The following PDZD2 variants were observed in gnomAD, a reference collection of about 807,000 sequenced individuals.
PDZD2 encodes PDZ domain-containing protein 2.
A neutral mutation model predicts 220.7 loss-of-function variants in PDZD2; 90 were observed. The ratio of observed to expected loss-of-function variants is 0.41; its 90% CI spans 0.34 to 0.49. The LOEUF (loss-of-function observed/expected upper bound fraction) is 0.49, where lower values mean the gene tolerates loss of function less well. Among genes scored for constraint, PDZD2 ranks in the 20% least tolerant of loss-of-function variants. The probability of loss-of-function intolerance (pLI) is 0.28; values close to 1 mark genes in which losing one functional copy is unlikely to be tolerated. For missense variants in PDZD2, 3,174 were observed against 3,608.5 expected, an observed-to-expected ratio of 0.88 and a Z score of 3.08; for synonymous variants, 1,375 against 1,450.5, an observed-to-expected ratio of 0.95 and a Z score of 1.18.
At position 32,033,682 on chromosome 5, in the gene PDZD2, C is replaced by T. The variant is rs576989545; in HGVS notation, c.1408-3549C>T. Among the ~76,000 whole-genome samples, 180 of 151,788 alleles carry T rather than the reference C, an allele frequency of 1.2e-3. 7 individuals are homozygous for T. The South Asian group carries it at 0.035, about 30-fold the overall frequency. On this transcript the variant is annotated intron_variant, in intron 6 of 24. Coordinates refer to ENST00000438447, the MANE Select transcript of PDZD2 (RefSeq NM_178140.4). ...TTGCCCAGGCTGGAATGCAGTGGCG[C>T]GATCTCGGCTCACTGCAACCTCTGC... is the stretch of plus-strand genomic sequence containing the variant.
rs374165628 is a variant in PDZD2 at position 31,902,174 on chromosome 5, G to A, written c.477-80981G>A. 6.6e-5 allele frequency among the ~76,000 whole-genome samples: 10 copies of A among 152,196 alleles called. No homozygotes were observed. In the East Asian group the frequency reaches 1.2e-3, roughly 18 times the overall value. On this transcript the variant is annotated intron_variant, in intron 2 of 24. Transcript: ENST00000438447. ...TGAAGAACTGCTAAACTTTTCCAACGTTACTGCACAATTTTACATTCCTAC... is the reference window on the plus strand; with the variant it reads ...TGAAGAACTGCTAAACTTTTCCAACATTACTGCACAATTTTACATTCCTAC...
At chr5:31,713,390 A>C (rs931716826) in intron 1 of PDZD2, among the ~76,000 whole-genome samples, 7 of 152,178 alleles carry the variant, frequency 4.6e-5, no homozygotes, top group Non-Finnish European at 7.3e-5. Context: ...TGCATTGTTA[A>C]TTATCTTTTC....
At chr5:31,909,957 ACCTTCATC>A (rs958577083) in intron 2 of PDZD2, among the ~76,000 whole-genome samples, 2 of 152,086 alleles carry the variant, frequency 1.3e-5, no homozygotes, top group East Asian at 1.9e-4. Flanking sequence ...GTTCCTCCAT[ACCTTCATC>A]CCTTCATCCT....
intron 2 of PDZD2, among the ~76,000 whole-genome samples, chr5:31,861,390 G>A (rs998198864): frequency 5.3e-5 from 8 of 152,178 alleles, no homozygotes; most frequent in African/African-American, 4.8e-5. Flanking sequence ...GAGGCAGACC[G>A]TGGGCTCACT....
intron 1 of PDZD2, among the ~76,000 whole-genome samples, chr5:31,714,383 G>T (rs1748315136): frequency 6.6e-6 from 1 of 152,176 alleles, no homozygotes; most frequent in Non-Finnish European, 1.5e-5. Flanking sequence ...TTGTTTGAAT[G>T]ATCATGTAGA....
At chr5:31,775,259 C>A (rs1752571766) in intron 1 of PDZD2, among the ~76,000 whole-genome samples, 1 of 151,748 alleles carries the variant, frequency 6.6e-6, no homozygotes, top group Non-Finnish European at 1.5e-5. Context: ...GCCTGTTTCT[C>A]ATGTTCCATA....
intron 14 of PDZD2, among the ~76,000 whole-genome samples, chr5:32,065,218 G>T (rs1179198107): frequency 6.6e-6 from 1 of 152,004 alleles, no homozygotes; most frequent in African/African-American, 2.4e-5. Flanking sequence ...GAAATCACTT[G>T]TACCTGCGAG....
At position 32,110,929 on chromosome 5, in the gene PDZD2, T is replaced by C. The variant is rs544321800; in HGVS notation, c.*2794T>C. 7 of 152,190 alleles carry C rather than the reference T, an allele frequency of 4.6e-5. No homozygotes were observed. In the South Asian group the frequency reaches 1.4e-3, roughly 32 times the overall value. The allele number at this position is 152,190 out of a possible 1,614,324, so 9.4% of individuals were successfully genotyped here. A position where few individuals can be genotyped will look rare whatever the true frequency, so the allele number is the denominator to read the frequency against. ...AAAAAATAAACACTCTGCTTACTAC[T>C]TGATTTTTTTTTTCTCTTTTGGCTG... On this transcript the variant is annotated 3_prime_UTR_variant, in exon 25 of 25. Transcript: ENST00000438447.
rs371240385 is a variant in PDZD2 at position 31,809,425 on chromosome 5, T to G, written c.476+9701T>G. 2.4e-4 allele frequency among the ~76,000 whole-genome samples: 36 copies of G among 152,308 alleles called. No homozygotes were observed. The South Asian group carries it at 7.3e-3, about 31-fold the overall frequency. On this transcript the variant is annotated intron_variant, in intron 2 of 24. Coordinates refer to ENST00000438447, the MANE Select transcript of PDZD2 (RefSeq NM_178140.4). ...ATCCTCTCCTGTCTGTGACTGGTGT[T>G]TTTTCCTGTGGCCCTGGGAGGTGCC...
At chr5:32,092,014 C>T (rs933505860) in intron 20 of PDZD2, among the ~76,000 whole-genome samples, 1 of 152,168 alleles carries the variant, frequency 6.6e-6, no homozygotes, top group African/African-American at 2.4e-5. Context: ...TGGCTCACAC[C>T]TGTAATCCCA....
intron 2 of PDZD2, among the ~76,000 whole-genome samples, chr5:31,908,105 A>AAAAAG (rs1561044428): frequency 3.4e-5 from 5 of 145,980 alleles, no homozygotes; most frequent in African/African-American, 1.3e-4. Flanking sequence ...AAAAAAAAAA[A>AAAAAG]AAAGAAAGAA....
rs1338393023 is a variant in PDZD2 at position 31,983,229 on chromosome 5, A to G, written c.551A>G (p.His184Arg). Residue 184 changes from histidine to arginine, a missense_variant, in exon 3 of 25, where the codon CAC becomes CGC. Transcript: ENST00000438447. Reference sequence around the variant, plus strand: ...CTGCGTCGCTTTAAGCACAAAGCCCACTCCACTTATAATGGCAACAGTAGC... The same window carrying G: ...CTGCGTCGCTTTAAGCACAAAGCCCGCTCCACTTATAATGGCAACAGTAGC... ...IMLRRFKHKA[H>R]STYNGNSSNS... 1.3e-5 allele frequency: 21 copies of G among 1,614,096 alleles called. No individual in the cohort carries two copies. The highest frequency in any genetic ancestry group is 1.7e-5 in the Non-Finnish European group (20 of 1,180,006).
rs59061500 is a variant in PDZD2, at chr5:31,827,715, A to AGTAAAAAG, written c.476+27991_476+27992insGTAAAAAG. On this transcript the variant is annotated intron_variant, in intron 2 of 24. Coordinates refer to ENST00000438447, the MANE Select transcript of PDZD2 (RefSeq NM_178140.4). ...TCAAAAAAAATAAATAAATAAAAAAATAAAAATAATTTTAAAATGGCTTTA... is the reference window on the plus strand; with the variant it reads ...TCAAAAAAAATAAATAAATAAAAAAAGTAAAAAGTAAAAATAATTTTAAAATGGCTTTA... Among the ~76,000 whole-genome samples, 5 of 147,702 alleles carry AGTAAAAAG rather than the reference A, an allele frequency of 3.4e-5. 1 individual carries two copies. Among genetic ancestry groups the AGTAAAAAG allele is most frequent in the South Asian group, 2.1e-4 (1 of 4,724 alleles).
At chr5:31,670,559 G>T (rs1321342019) in intron 1 of PDZD2, among the ~76,000 whole-genome samples, 1 of 152,132 alleles carries the variant, frequency 6.6e-6, no homozygotes, top group Non-Finnish European at 1.5e-5. Context: ...TGGGATTACA[G>T]GCACCCGCCA....
intron 2 of PDZD2, among the ~76,000 whole-genome samples, chr5:31,949,875 C>A (rs964156789): frequency 6.7e-6 from 1 of 149,034 alleles, no homozygotes. Context: ...GTAGAGATGG[C>A]GTTTCACCAT....
rs1439791119 is a variant in PDZD2, at chr5:32,110,318, TACA to T, written c.*2184_*2186del. ...AAGGGTAGACCTCTGGCTTACCACA[TACA>T]CTATGCTAAAGTCATCAGCCACTGC... On this transcript the variant is annotated 3_prime_UTR_variant, in exon 25 of 25. Coordinates refer to ENST00000438447, the MANE Select transcript of PDZD2 (RefSeq NM_178140.4). 1.3e-5 allele frequency: 2 copies of T among 152,636 alleles called. No individual in the cohort carries two copies. Among genetic ancestry groups the T allele is most frequent in the Non-Finnish European group, 2.9e-5 (2 of 68,048 alleles). 9.5% of individuals were successfully genotyped at this position (152,636 alleles called of 1,614,324 possible). A position where few individuals can be genotyped will look rare whatever the true frequency, so the allele number is the denominator to read the frequency against.
intron 1 of PDZD2, among the ~76,000 whole-genome samples, chr5:31,716,843 T>G (rs1270352715): frequency 3.9e-5 from 6 of 152,104 alleles, no homozygotes; most frequent in Non-Finnish European, 8.8e-5. Flanking sequence ...TTGAATAATT[T>G]TAGTGGCCTT....
At chr5:31,672,551 T>C (rs182534253) in intron 1 of PDZD2, among the ~76,000 whole-genome samples, 12 of 152,348 alleles carry the variant, frequency 7.9e-5, no homozygotes, top group African/African-American at 2.6e-4. Flanking sequence ...AAGCTAGCCT[T>C]CCTTTCAAAA....
intron 1 of PDZD2, among the ~76,000 whole-genome samples, chr5:31,674,584 G>A (rs1190451520): frequency 6.6e-6 from 1 of 152,202 alleles, no homozygotes; most frequent in Non-Finnish European, 1.5e-5. Context: ...AGAGCAGTCT[G>A]GTCTTGGGTG....
Sources: gnomAD v4.1 joint callset for allele counts (sites outside exome capture counted in the v4.1 genomes callset) on GRCh38, gnomAD v4.1.1 for gene constraint, MANE v1.5 for transcripts, NCBI Gene and HGNC (gene_info 2026-07-23, HGNC 2026-07-21) for gene names.